MBNL3: variants seen among roughly 807,000 people sequenced by gnomAD.
The protein encoded by MBNL3 is muscleblind-like protein 3.
MBNL3 carries 6 observed loss-of-function variants against 24.5 expected under a neutral mutation model. The observed-to-expected ratio is 0.25, with a 90% confidence interval of 0.13 to 0.48. The LOEUF is 0.48. MBNL3 is among the 20% of genes least tolerant of loss of function. The pLI, the probability that MBNL3 is intolerant of heterozygous loss-of-function variation, is 0.99. For missense variants in MBNL3, 230 were observed against 293.5 expected, an observed-to-expected ratio of 0.78 and a Z score of 1.58; for synonymous variants, 100 against 101.7, an observed-to-expected ratio of 0.98 and a Z score of 0.10.
intron 3 of MBNL3, among the ~76,000 whole-genome samples, chrX:132,397,215 G>T (rs1196351849): frequency 2.5e-4 from 27 of 108,909 alleles, no homozygotes; most frequent in Non-Finnish European, 3.4e-4. Context: ...ACCACAGATT[G>T]CTCTTAAAGG....
At chrX:132,397,366 C>G (rs952665104) in intron 3 of MBNL3, among the ~76,000 whole-genome samples, 2 of 111,183 alleles carry the variant, frequency 1.8e-5, no homozygotes, top group African/African-American at 6.5e-5. Flanking sequence ...CCAAATCAAT[C>G]TTTGTGTCTC....
chrX:132,373,860 A>T lies in MBNL3; in HGVS notation c.*5806T>A, dbSNP rs954040036. On this transcript the variant is annotated 3_prime_UTR_variant, in exon 9 of 9. Coordinates refer to ENST00000370853, the MANE Select transcript of MBNL3 (RefSeq NM_001386889.1). Reference sequence around the variant, plus strand: ...TTAAAACAAAACAGTGGGAGGCTGAAGTGGCACAGTTAACTACTTTGTAAT... The same window carrying T: ...TTAAAACAAAACAGTGGGAGGCTGATGTGGCACAGTTAACTACTTTGTAAT... The T allele has an allele frequency of 2.7e-5, 3 of 111,786 alleles. No individual in the cohort carries two copies. The highest frequency in any genetic ancestry group is 9.5e-5 in the Admixed American group (1 of 10,475). 9.2% of individuals were successfully genotyped at this position (111,786 alleles called of 1,213,427 possible).
At chrX:132,393,793 ACCC>A (rs761541620) in intron 3 of MBNL3, among the ~76,000 whole-genome samples, 43 of 109,779 alleles carry the variant, frequency 3.9e-4, no homozygotes, top group Non-Finnish European at 6.7e-4. Flanking sequence ...ACTTGAAAAA[ACCC>A]CCGAATCTGT....
chrX:132,473,469 C>T (rs1947281550), intron 1 of MBNL3, among the ~76,000 whole-genome samples: 1 of 111,916 alleles, frequency 8.9e-6, no homozygotes, highest in Non-Finnish European at 1.9e-5. Context: ...GCAATCTGTT[C>T]TCTTGGCATG....
At chrX:132,489,680 G>GGAAACTCCCGC (rs1374100501), upstream of MBNL3, 2 of 88,156 alleles carry the variant, frequency 2.3e-5, no homozygotes, top group African/African-American at 4.2e-5. Flanking sequence ...GCGCCAAAAC[G>GGAAACTCCCGC]GAAACTCCCG....
chrX:132,393,654 A>G (rs1296096898), intron 3 of MBNL3, among the ~76,000 whole-genome samples: 1 of 111,654 alleles, frequency 9.0e-6, no homozygotes, highest in Non-Finnish European at 1.9e-5. Context: ...TAATGAATGA[A>G]TAATAAATCA....
At chrX:132,486,942 T>C (rs1239065620) in intron 1 of MBNL3, among the ~76,000 whole-genome samples, 1 of 111,583 alleles carries the variant, frequency 9.0e-6, no homozygotes, top group African/African-American at 3.3e-5. Context: ...AAACATGCAG[T>C]CACCACCTCT....
chrX:132,466,921 A>G (rs1946915586), intron 1 of MBNL3, among the ~76,000 whole-genome samples: 1 of 111,558 alleles, frequency 9.0e-6, no homozygotes, highest in East Asian at 2.8e-4. Context: ...AAGTGTTGCC[A>G]TATTTGTTGC....
chrX:132,370,632 G>A lies in MBNL3; in HGVS notation c.*9034C>T, dbSNP rs757692850. On this transcript the variant is annotated 3_prime_UTR_variant, in exon 9 of 9. Transcript: ENST00000370853. Reference sequence around the variant, plus strand: ...CCAGGACAGGCAGTATACTAAATACGGCCATTCTTGAACACCATAGGGTAA... The same window carrying A: ...CCAGGACAGGCAGTATACTAAATACAGCCATTCTTGAACACCATAGGGTAA... 3.6e-5 allele frequency: 4 copies of A among 111,380 alleles called. No homozygotes were observed. Among genetic ancestry groups the A allele is most frequent in the Non-Finnish European group, 7.5e-5 (4 of 53,070 alleles). The allele number at this position is 111,380 out of a possible 1,213,427, so 9.2% of individuals were successfully genotyped here.
intron 2 of MBNL3, chrX:132,432,436 A>C (rs1944813248): frequency 9.0e-6 from 1 of 111,063 alleles, no homozygotes; most frequent in African/African-American, 3.3e-5. Flanking sequence ...ACCCTTAAAA[A>C]AAAAGCCATG....
At chrX:132,485,425 G>A (rs1470207621) in intron 1 of MBNL3, among the ~76,000 whole-genome samples, 2 of 111,996 alleles carry the variant, frequency 1.8e-5, no homozygotes, top group Non-Finnish European at 3.8e-5. Flanking sequence ...AGTTAATAAT[G>A]CATTTTTACT....
chrX:132,480,996 T>C (rs1947700706), intron 1 of MBNL3, among the ~76,000 whole-genome samples: 3 of 111,318 alleles, frequency 2.7e-5, no homozygotes, highest in Admixed American at 1.9e-4. Context: ...GTGACAGATT[T>C]ATTGTGGCCT....
Position 132,384,706 on chromosome X carries a change from C to T in MBNL3, c.923-8G>A. 1 of 1,157,351 alleles carries T rather than the reference C, an allele frequency of 8.6e-7. No individual in the cohort carries two copies. ...CCATGCACAGTATTGGCCCTGTACA[C>T]CACGCAGAAAAGCGTGGAAAGTAAA... On this transcript the variant is annotated splice_polypyrimidine_tract_variant and splice_region_variant and intron_variant, in intron 6 of 8. Coordinates refer to ENST00000370853, the MANE Select transcript of MBNL3 (RefSeq NM_001386889.1).
chrX:132,463,447 G>A (rs1040254734), intron 1 of MBNL3, among the ~76,000 whole-genome samples: 3 of 112,289 alleles, frequency 2.7e-5, no homozygotes, highest in East Asian at 2.8e-4. Context: ...CTGGGTGACA[G>A]AGCGAAACTC....
rs1308887307 is a variant in MBNL3 at position 132,401,825 on chromosome X, A to T, written c.342+4403T>A. ...ATCTCCCTTCCTCGTACCTATTTGA[A>T]CTTTCTATTATTTTTTTTCTCTTGG... On this transcript the variant is annotated intron_variant, in intron 3 of 8. Coordinates refer to ENST00000370853, the MANE Select transcript of MBNL3 (RefSeq NM_001386889.1). 3.6e-5 allele frequency among the ~76,000 whole-genome samples: 4 copies of T among 110,769 alleles called. No individual in the cohort carries two copies. In the East Asian group the frequency reaches 1.1e-3, roughly 31 times the overall value.
intron 1 of MBNL3, among the ~76,000 whole-genome samples, chrX:132,479,296 G>C (rs1328896092): frequency 8.9e-6 from 1 of 112,052 alleles, no homozygotes; most frequent in Non-Finnish European, 1.9e-5. Context: ...ACATACAGCT[G>C]TGTTGCTAAT....
At chrX:132,381,087 CA>C (rs1409746494) in intron 8 of MBNL3, among the ~76,000 whole-genome samples, 1 of 111,551 alleles carries the variant, frequency 9.0e-6, no homozygotes, top group Non-Finnish European at 1.9e-5. Flanking sequence ...CTCTGGCTAA[CA>C]AATTATATAT....
chrX:132,471,645 G>A (rs745974247), intron 1 of MBNL3, among the ~76,000 whole-genome samples: 4 of 113,202 alleles, frequency 3.5e-5, no homozygotes, highest in South Asian at 3.6e-4. Flanking sequence ...AGCTATGATC[G>A]TGCCACTGGC....
intron 1 of MBNL3, among the ~76,000 whole-genome samples, chrX:132,480,970 C>G (rs1402825555): frequency 9.0e-6 from 1 of 111,065 alleles, no homozygotes; most frequent in Non-Finnish European, 1.9e-5. Flanking sequence ...ATAAAATATA[C>G]AAAACATGCA....
Sources: allele counts gnomAD v4.1 joint callset (sites outside exome capture counted in the v4.1 genomes callset), GRCh38; gene constraint gnomAD v4.1.1; transcripts MANE v1.5; gene names NCBI Gene and HGNC (gene_info 2026-07-23, HGNC 2026-07-21).